Variants in LRRN2 observed in about 807,000 individuals in gnomAD.
The protein encoded by LRRN2 is leucine-rich repeat neuronal protein 2.
In LRRN2, 10 loss-of-function variants were observed where a neutral mutation model predicts 35.7. The ratio of observed to expected loss-of-function variants is 0.28; its 90% confidence interval spans 0.17 to 0.47. The LOEUF is 0.47. Ranked by LOEUF, LRRN2 falls within the 20% of genes least tolerant of loss-of-function variation. LRRN2 has a pLI of 0.99. For missense variants in LRRN2, 731 were observed against 940.3 expected, an observed-to-expected ratio of 0.78 and a Z score of 2.91; for synonymous variants, 391 against 409.6, an observed-to-expected ratio of 0.95 and a Z score of 0.55.
rs1347113824 is a variant in LRRN2, at chr1:204,648,077, TACTC to T, written c.-226-27863_-226-27860del. Among the ~76,000 whole-genome samples, 6 of 152,298 alleles carry T rather than the reference TACTC, an allele frequency of 3.9e-5. No homozygotes were observed. The East Asian group carries it at 9.6e-4, about 24-fold the overall frequency. On this transcript the variant is annotated intron_variant, in intron 1 of 1. Coordinates refer to ENST00000367177, the MANE Select transcript of LRRN2 (RefSeq NM_201630.2). ...AGGTTCAAATCCCACCTCCACCACT[TACTC>T]AGGGACACTTGGAAGGTGAGCCCAG...
At chr1:204,662,615 A>C (rs1012312914) in intron 1 of LRRN2, among the ~76,000 whole-genome samples, 1 of 152,158 alleles carries the variant, frequency 6.6e-6, no homozygotes, top group African/African-American at 2.4e-5. Flanking sequence ...AAATGATCTT[A>C]TTTGATTTTC....
chr1:204,627,527 C>G (rs1558404605), intron 1 of LRRN2, among the ~76,000 whole-genome samples: 1 of 152,332 alleles, frequency 6.6e-6, no homozygotes, highest in East Asian at 1.9e-4. Context: ...CTGGCCCAAG[C>G]AGAGAGTGTT....
At chr1:204,642,473 C>T (rs564640658) in intron 1 of LRRN2, among the ~76,000 whole-genome samples, 2 of 152,292 alleles carry the variant, frequency 1.3e-5, no homozygotes, top group East Asian at 1.9e-4. Flanking sequence ...CCCGGCTCTG[C>T]GCTCCCATCA....
chr1:204,627,570 ATTATTTC>A (rs1340848018), intron 1 of LRRN2, among the ~76,000 whole-genome samples: 1 of 152,148 alleles, frequency 6.6e-6, no homozygotes, highest in Non-Finnish European at 1.5e-5. Flanking sequence ...AGCCTACCTC[ATTATTTC>A]TTAATTAGGA....
chr1:204,637,474 G>A (rs901780332), intron 1 of LRRN2, among the ~76,000 whole-genome samples: 9 of 152,196 alleles, frequency 5.9e-5, no homozygotes, highest in Non-Finnish European at 1.3e-4. Flanking sequence ...CCACAGGGCT[G>A]CCCTGAGTGC....
At chr1:204,624,226 G>C in intron 1 of LRRN2, among the ~76,000 whole-genome samples, 1 of 152,050 alleles carries the variant, frequency 6.6e-6, no homozygotes, top group East Asian at 2.0e-4. Context: ...ACCCCCCTGG[G>C]GGACAGTGTG....
rs542458831 is a variant in LRRN2 at position 204,649,137 on chromosome 1, A to G, written c.-226-28919T>C. On this transcript the variant is annotated intron_variant, in intron 1 of 1. Transcript: ENST00000367177. Reference sequence around the variant, plus strand: ...TTCTGATTCCTAACTAAACTCTTCAACCAGTGGCGGCGACTCAAAGAGGTG... The same window carrying G: ...TTCTGATTCCTAACTAAACTCTTCAGCCAGTGGCGGCGACTCAAAGAGGTG... Among the ~76,000 whole-genome samples the G allele has an allele frequency of 6.6e-5, 10 of 152,286 alleles. No individual in the cohort carries two copies. The East Asian group carries it at 7.7e-4, about 12-fold the overall frequency.
chr1:204,633,157 A>C (rs939771958), intron 1 of LRRN2: 1 of 151,468 alleles, frequency 6.6e-6, no homozygotes, highest in African/African-American at 2.4e-5. Context: ...CTGCCATGTG[A>C]GGAAACAGCA....
Position 204,619,500 on chromosome 1 carries a change from T to G in LRRN2, c.493A>C (p.Ser165Arg). The G allele has an allele frequency of 6.2e-7, 1 of 1,614,232 alleles. No individual in the cohort carries two copies. The highest frequency in any genetic ancestry group is 1.1e-5 in the South Asian group (1 of 91,088). The change falls in exon 2 of 2, where the codon AGC becomes CGC. Residue 165 changes from serine (S) to arginine (R), a missense_variant. Around this residue, in one of 3 missense-constraint regions of LRRN2, gnomAD observed 246 missense variants for 289.5 expected, o/e 0.85. Transcript: ENST00000367177. ...RIAPRAFSGL[S>R]NLLRLHLNSN... ...TTGAGGTGCAGCCGCAGCAAGTTGC[T>G]GAGGCCAGAAAAGGCCCTGGGGGCG...
At chr1:204,632,820 G>T (rs1460967274) in intron 1 of LRRN2, among the ~76,000 whole-genome samples, 1 of 151,700 alleles carries the variant, frequency 6.6e-6, no homozygotes, top group Non-Finnish European at 1.5e-5. Flanking sequence ...TGAAGTCCTA[G>T]CTACATGGGA....
intron 1 of LRRN2, among the ~76,000 whole-genome samples, chr1:204,637,454 G>A (rs940588847): frequency 3.9e-5 from 6 of 152,126 alleles, no homozygotes; most frequent in African/African-American, 1.4e-4. Flanking sequence ...ACGCTTGGTT[G>A]CCCCAGGCCC....
chr1:204,670,651 G>A (rs1055568301), intron 1 of LRRN2, among the ~76,000 whole-genome samples: 1 of 151,870 alleles, frequency 6.6e-6, no homozygotes, highest in African/African-American at 2.4e-5. Context: ...CGGGAAGGAT[G>A]AGTCAGCAAA....
chr1:204,625,880 C>T (rs1290172129), intron 1 of LRRN2, among the ~76,000 whole-genome samples: 2 of 152,226 alleles, frequency 1.3e-5, no homozygotes, highest in South Asian at 2.1e-4. Flanking sequence ...CTAGAGTTCC[C>T]GTATCTAAAA....
At chr1:204,632,912 C>T (rs10751424) in intron 1 of LRRN2, among the ~76,000 whole-genome samples, 71,737 of 148,992 alleles carry the variant, frequency 0.48, 17,535 homozygotes, top group Admixed American at 0.54. Context: ...CCAGCCTGGG[C>T]GACAGAGCGA....
intron 1 of LRRN2, among the ~76,000 whole-genome samples, chr1:204,676,278 C>T (rs1668822570): frequency 1.3e-5 from 2 of 152,166 alleles, no homozygotes; most frequent in African/African-American, 4.8e-5. Context: ...CAACACTGTC[C>T]TCTTCCAAGA....
At chr1:204,656,653 A>C (rs1668363039) in intron 1 of LRRN2, among the ~76,000 whole-genome samples, 1 of 152,232 alleles carries the variant, frequency 6.6e-6, no homozygotes, top group Non-Finnish European at 1.5e-5. Flanking sequence ...GACTGGAAAT[A>C]TAATTTCAGA....
intron 1 of LRRN2, chr1:204,628,612 G>A (rs892365106): frequency 1.4e-4 from 21 of 152,244 alleles, no homozygotes; most frequent in African/African-American, 5.1e-4. Context: ...GGCCTATCAG[G>A]GTACTTGGTC....
chr1:204,658,046 C>T (rs943106562), intron 1 of LRRN2, among the ~76,000 whole-genome samples: 7 of 141,648 alleles, frequency 4.9e-5, no homozygotes, highest in East Asian at 2.1e-4. Context: ...GGCGTAATCT[C>T]GGCTCACTGT....
At chr1:204,671,925 G>A (rs1269023451) in intron 1 of LRRN2, among the ~76,000 whole-genome samples, 1 of 152,178 alleles carries the variant, frequency 6.6e-6, no homozygotes, top group Non-Finnish European at 1.5e-5. Flanking sequence ...AGCCCGTGAA[G>A]GGACTGTTGG....
Sources: allele counts gnomAD v4.1 joint callset (sites outside exome capture counted in the v4.1 genomes callset), GRCh38; gene constraint gnomAD v4.1.1; regional missense constraint gnomAD v4.1.1; transcripts MANE v1.5; gene names NCBI Gene and HGNC (gene_info 2026-07-23, HGNC 2026-07-21).